AUTS2: variants seen among roughly 807,000 people sequenced by gnomAD.
AUTS2 encodes autism susceptibility gene 2 protein.
Under a neutral mutation model 112.4 loss-of-function variants are expected in AUTS2, and 17 were observed. That is an observed-to-expected ratio of 0.15 (90% CI 0.10 to 0.23). The LOEUF is 0.23. Ranked by LOEUF, AUTS2 falls within the 10% of genes least tolerant of loss-of-function variation. The pLI is 1.00. For missense variants in AUTS2, 1,510 were observed against 1,701.6 expected (o/e 0.89, Z 1.98); for synonymous variants, 751 against 702.7 (o/e 1.07, Z -1.09).
intron 5 of AUTS2, among the ~76,000 whole-genome samples, chr7:70,513,982 G>T (rs966976801): frequency 5.9e-5 from 9 of 152,118 alleles, no homozygotes; most frequent in African/African-American, 2.2e-4. Context: ...ATCACCATAG[G>T]ATTTATTAAA....
chr7:69,889,767 G>C (rs964328874), intron 1 of AUTS2, among the ~76,000 whole-genome samples: 1 of 152,210 alleles, frequency 6.6e-6, no homozygotes, highest in Non-Finnish European at 1.5e-5. Flanking sequence ...GGGAGAAAAA[G>C]CAATCGAAAT....
intron 4 of AUTS2, among the ~76,000 whole-genome samples, chr7:70,329,313 C>A (rs964570393): frequency 6.6e-6 from 1 of 152,040 alleles, no homozygotes; most frequent in Non-Finnish European, 1.5e-5. Flanking sequence ...CATTGCAGGA[C>A]GATATGATAC....
Position 70,261,588 on chromosome 7 carries a change from T to A in AUTS2, c.660+127017T>A, listed in dbSNP as rs545982608. On this transcript the variant is annotated intron_variant, in intron 4 of 18. Transcript: ENST00000342771. The stretch of plus-strand genomic sequence containing the variant: ...AAATATTAGGTATTCCTTCTCTCTC[T>A]CTCATGTATATCCTGATCAAAACAT... 4.6e-5 allele frequency among the ~76,000 whole-genome samples: 7 copies of A among 152,348 alleles called. No individual in the cohort carries two copies. In the East Asian group the frequency reaches 9.6e-4, roughly 21 times the overall value.
At chr7:70,110,379 G>C (rs1385873941) in intron 2 of AUTS2, among the ~76,000 whole-genome samples, 3 of 152,146 alleles carry the variant, frequency 2.0e-5, no homozygotes, top group African/African-American at 7.2e-5. Context: ...AGCCAGGCGT[G>C]GTGGTGGGCA....
intron 2 of AUTS2, among the ~76,000 whole-genome samples, chr7:69,990,517 G>A (rs942495530): frequency 3.9e-5 from 6 of 152,176 alleles, no homozygotes; most frequent in African/African-American, 7.2e-5. Context: ...AGAGGTGTGC[G>A]TGTGTGTTTG....
At chr7:69,629,087 C>CTTAG (rs1162920000) in intron 1 of AUTS2, among the ~76,000 whole-genome samples, 1 of 152,146 alleles carries the variant, frequency 6.6e-6, no homozygotes, top group Non-Finnish European at 1.5e-5. Context: ...TCACAGTGAG[C>CTTAG]TTAGCATGGA....
intron 5 of AUTS2, among the ~76,000 whole-genome samples, chr7:70,470,248 T>C (rs2115857294): frequency 6.6e-6 from 1 of 152,314 alleles, no homozygotes; most frequent in African/African-American, 2.4e-5. Flanking sequence ...CTGGATGAAC[T>C]CAGCACCTTA....
intron 5 of AUTS2, among the ~76,000 whole-genome samples, chr7:70,457,342 T>C (rs796412353): frequency 1.0e-3 from 152 of 152,284 alleles, no homozygotes; most frequent in African/African-American, 3.4e-3. Context: ...AGCCATCGCC[T>C]TATTAAAAAT....
At position 69,717,846 on chromosome 7, in the gene AUTS2, C is replaced by T. The variant is rs373663408; in HGVS notation, c.309+117884C>T. Among the ~76,000 whole-genome samples, 4 of 152,080 alleles carry T rather than the reference C, an allele frequency of 2.6e-5. No individual in the cohort carries two copies. In the South Asian group the frequency reaches 6.2e-4, roughly 24 times the overall value. ...TTAAATACAGAAGCTATACAGAGGGCAGTTAGAGTTCATCCACCGTTTTAC... is the reference window on the plus strand; with the variant it reads ...TTAAATACAGAAGCTATACAGAGGGTAGTTAGAGTTCATCCACCGTTTTAC... On this transcript the variant is annotated intron_variant, in intron 1 of 18. Transcript: ENST00000342771.
intron 6 of AUTS2, among the ~76,000 whole-genome samples, chr7:70,745,940 T>G (rs902096859): frequency 6.6e-6 from 1 of 152,254 alleles, no homozygotes; most frequent in African/African-American, 2.4e-5. Context: ...TTTCTCATTA[T>G]GATTTTTTTC....
chr7:70,102,531 TCACACA>T, intron 2 of AUTS2, among the ~76,000 whole-genome samples: 1 of 149,856 alleles, frequency 6.7e-6, no homozygotes. Context: ...TTTGGTTAGA[TCACACA>T]CACACACACA....
chr7:70,660,004 C>T (rs1806983212), intron 5 of AUTS2, among the ~76,000 whole-genome samples: 1 of 151,894 alleles, frequency 6.6e-6, no homozygotes, highest in African/African-American at 2.4e-5. Flanking sequence ...TGGTGAAACC[C>T]CATCTCTACT....
chr7:70,698,346 A>G (rs1296314805), intron 5 of AUTS2, among the ~76,000 whole-genome samples: 1 of 151,762 alleles, frequency 6.6e-6, no homozygotes, highest in East Asian at 1.9e-4. Flanking sequence ...TAATAAGGAC[A>G]CATTTTTAAA....
chr7:69,988,324 G>A (rs1427660245), intron 2 of AUTS2, among the ~76,000 whole-genome samples: 1 of 152,126 alleles, frequency 6.6e-6, no homozygotes, highest in Non-Finnish European at 1.5e-5. Flanking sequence ...GAGTGTGTGT[G>A]TCAGCTAAGA....
chr7:69,808,742 AT>A (rs957115346), intron 1 of AUTS2, among the ~76,000 whole-genome samples: 2 of 152,134 alleles, frequency 1.3e-5, no homozygotes, highest in African/African-American at 4.8e-5. Context: ...AGAATGAAGT[AT>A]ATGTCTGGGC....
chr7:70,664,274 G>A (rs1416132191), intron 5 of AUTS2, among the ~76,000 whole-genome samples: 1 of 152,170 alleles, frequency 6.6e-6, no homozygotes, highest in Non-Finnish European at 1.5e-5. Context: ...ATGATTATGT[G>A]GTCAGCCATG....
chr7:70,387,783 T>C (rs1793679736), intron 4 of AUTS2, among the ~76,000 whole-genome samples: 2 of 152,206 alleles, frequency 1.3e-5, no homozygotes, highest in African/African-American at 4.8e-5. Flanking sequence ...CTTCTCAATG[T>C]CATTGCCCAG....
chr7:70,369,976 G>A (rs1425897470), intron 4 of AUTS2, among the ~76,000 whole-genome samples: 1 of 152,128 alleles, frequency 6.6e-6, no homozygotes, highest in African/African-American at 2.4e-5. Context: ...GCCAGACCAT[G>A]GATGTACAAT....
At chr7:70,156,489 A>G (rs928298874) in intron 4 of AUTS2, among the ~76,000 whole-genome samples, 2 of 152,082 alleles carry the variant, frequency 1.3e-5, no homozygotes, top group African/African-American at 4.8e-5. Context: ...GAGGCAACCC[A>G]AGAGATTTCC....
Sources: gnomAD v4.1 joint callset for allele counts (sites outside exome capture counted in the v4.1 genomes callset) on GRCh38, gnomAD v4.1.1 for gene constraint, MANE v1.5 for transcripts, NCBI Gene and HGNC (gene_info 2026-07-23, HGNC 2026-07-21) for gene names.